PHACTR2: variants seen among roughly 807,000 people sequenced by gnomAD.
PHACTR2 encodes phosphatase and actin regulator 2, also known as chromosome 6 open reading frame 56.
A neutral mutation model predicts 76.0 loss-of-function variants in PHACTR2; 30 were observed. The ratio of observed to expected loss-of-function variants is 0.39; its 90% CI spans 0.30 to 0.54. The LOEUF (loss-of-function observed/expected upper bound fraction) is 0.54, where lower values mean the gene tolerates loss of function less well. Ranked by LOEUF, PHACTR2 falls within the 20% of genes least tolerant of loss-of-function variation. The pLI, the probability that PHACTR2 is intolerant of heterozygous loss-of-function variation, is 0.61. For missense variants in PHACTR2, 696 were observed against 781.1 expected, an observed-to-expected ratio of 0.89 and a Z score of 1.30; for synonymous variants, 292 against 292.5, an observed-to-expected ratio of 1.00 and a Z score of 0.02.
chr6:143,678,373 A>G lies in PHACTR2; in HGVS notation c.46+164A>G, dbSNP rs886861841. On this transcript the variant is annotated intron_variant, in intron 1 of 12. Transcript: ENST00000440869. This position sits in a 1 kb window ranked among gnomAD's most constrained non-coding sequence, Gnocchi z 6.2. ...CGCTCGCCAAACTCTTTGTCGTGAA[A>G]GAGGAATGCCTTTTGGGATCCAGCC... 6.6e-6 allele frequency among the ~76,000 whole-genome samples: 1 copy of G among 152,308 alleles called. No homozygotes were observed. The highest frequency in any genetic ancestry group is 2.4e-5 in the African/African-American group (1 of 41,574).
Position 143,739,822 on chromosome 6 carries a change from C to T in PHACTR2, c.215-9163C>T, listed in dbSNP as rs77133104. On this transcript the variant is annotated intron_variant, in intron 2 of 12. Coordinates refer to ENST00000440869, the MANE Select transcript of PHACTR2 (RefSeq NM_001100164.2). The surrounding 1 kb of genome is among the most constrained non-coding windows in gnomAD (Gnocchi z 4.3). ...TGTCCATTCCCTTCTGCTGTTTGCG[C>T]AGGTCTAAGACAATCACCTCTTCCC... 0.014 allele frequency among the ~76,000 whole-genome samples: 2,148 copies of T among 152,256 alleles called. 37 individuals carry two copies. The highest frequency in any genetic ancestry group is 0.049 in the African/African-American group (2,023 of 41,530).
rs1044627012 is a variant in PHACTR2 at position 143,654,848 on chromosome 6, C to A, written c.13+46526C>A. Among the ~76,000 whole-genome samples, 4 of 152,058 alleles carry A rather than the reference C, an allele frequency of 2.6e-5. No individual in the cohort carries two copies. On this transcript the variant is annotated intron_variant, in intron 1 of 11. Coordinates refer to the PHACTR2 transcript ENST00000305766. The surrounding 1 kb of genome is among the most constrained non-coding windows in gnomAD (Gnocchi z 4.6). ...AATGAAGTATTGATACATGCCACAA[C>A]ATGGACGACTCTTAAAAACATCATG...
In PHACTR2 at chr6:143,567,065, C is replaced by G. The variant is rs548966090; in HGVS notation, c.217+29858C>G. The stretch of plus-strand genomic sequence containing the variant: ...ACACACTCAGTTCCGTGTTCCTCAT[C>G]ATCTACACGTCGCGCTCCTTTCTGT... On this transcript the variant is annotated intron_variant, in intron 1 of 11. Transcript: ENST00000367584. Among the ~76,000 whole-genome samples the G allele has an allele frequency of 7.2e-5, 11 of 152,108 alleles. No homozygotes were observed. In the South Asian group the frequency reaches 1.0e-3, roughly 14 times the overall value.
rs2128479228 is a variant in PHACTR2, at chr6:143,787,278, T to C, written c.1708-1495T>C. ...CTAACCTATATTGCCATTGGTCACT[T>C]TCCTTCTAGCCAGTTCTTAGGAGCA... On this transcript the variant is annotated intron_variant, in intron 10 of 12. Coordinates refer to ENST00000440869, the MANE Select transcript of PHACTR2 (RefSeq NM_001100164.2). The surrounding 1 kb of genome is among the most constrained non-coding windows in gnomAD (Gnocchi z 4.6). 6.6e-6 allele frequency among the ~76,000 whole-genome samples: 1 copy of C among 152,374 alleles called. No individual in the cohort carries two copies. The highest frequency in any genetic ancestry group is 6.5e-5 in the Admixed American group (1 of 15,302).
Position 143,765,173 on chromosome 6 carries a change from A to T in PHACTR2, c.695-88A>T. On this transcript the variant is annotated intron_variant, in intron 5 of 12. Transcript: ENST00000440869. This position sits in a 1 kb window ranked among gnomAD's most constrained non-coding sequence, Gnocchi z 4.1. The stretch of plus-strand genomic sequence containing the variant: ...CAACAAACTTTAAAGGGAACATTTT[A>T]AATGTTGTTGACAGTTACACCTTGG... 2 of 1,009,270 alleles carry T rather than the reference A, an allele frequency of 2.0e-6. No homozygotes were observed. The highest frequency in any genetic ancestry group is 2.9e-6 in the Non-Finnish European group (2 of 678,972). The allele number at this position is 1,009,270 out of a possible 1,614,324, so 62.5% of individuals were successfully genotyped here.
At position 143,549,231 on chromosome 6, in the gene PHACTR2, G is replaced by T. The variant is rs1311707081; in HGVS notation, c.217+12024G>T. Among the ~76,000 whole-genome samples the T allele has an allele frequency of 6.6e-6, 1 of 152,046 alleles. No homozygotes were observed. The highest frequency in any genetic ancestry group is 2.4e-5 in the African/African-American group (1 of 41,430). On this transcript the variant is annotated intron_variant, in intron 1 of 11. Coordinates refer to the PHACTR2 transcript ENST00000367584. The surrounding 1 kb of genome is among the most constrained non-coding windows in gnomAD (Gnocchi z 4.2). ...GGAAGATTAATAGTGGGCCTCACAT[G>T]GCAGATCAGGCCTAGGTCTCTTCCC... is the stretch of plus-strand genomic sequence containing the variant.
chr6:143,791,227 A>G lies in PHACTR2; in HGVS notation c.1845+2317A>G, dbSNP rs1030938995. On this transcript the variant is annotated intron_variant, in intron 11 of 12. Transcript: ENST00000440869. The surrounding 1 kb of genome is among the most constrained non-coding windows in gnomAD (Gnocchi z 4.7). ...CATCTGTATTATATGTTTGTTTTCT[A>G]TGTCATTATTTGTTCTTTTCTCTTC... is the stretch of plus-strand genomic sequence containing the variant. Among the ~76,000 whole-genome samples the G allele has an allele frequency of 6.6e-6, 1 of 151,992 alleles. No homozygotes were observed. The highest frequency in any genetic ancestry group is 1.5e-5 in the Non-Finnish European group (1 of 67,980).
chr6:143,590,672 G>A (rs1367985396), intron 1 of PHACTR2, among the ~76,000 whole-genome samples: 1 of 152,012 alleles, frequency 6.6e-6, no homozygotes, highest in African/African-American at 2.4e-5. Context: ...GGAGTTCAAT[G>A]GCTTTCTTTC....
At position 143,783,199 on chromosome 6, in the gene PHACTR2, T is replaced by G; in HGVS notation, c.1646-20T>G. On this transcript the variant is annotated intron_variant, in intron 9 of 12. Transcript: ENST00000440869. The surrounding 1 kb of genome is among the most constrained non-coding windows in gnomAD (Gnocchi z 5.2). ...CATCTATAGTAACTGTCATCACGAC[T>G]TTCCTCCTTTAATAAACAGAAAAGA... 1.3e-6 allele frequency: 2 copies of G among 1,554,572 alleles called. No homozygotes were observed. Among genetic ancestry groups the G allele is most frequent in the Non-Finnish European group, 8.9e-7 (1 of 1,127,522 alleles).
In PHACTR2 at chr6:143,771,154, ATATG is replaced by A. The variant is rs1165959870; in HGVS notation, c.1233-1100_1233-1097del. 1.4e-3 allele frequency among the ~76,000 whole-genome samples: 73 copies of A among 51,228 alleles called. 2 individuals carry two copies. Among genetic ancestry groups the A allele is most frequent in the African/African-American group, 6.9e-3 (59 of 8,590 alleles). 33.6% of individuals were successfully genotyped at this position (51,228 alleles called of 152,430 possible). On this transcript the variant is annotated intron_variant, in intron 6 of 12. Transcript: ENST00000440869. ...TACATATATATATATGTATATATAT[ATATG>A]TATATATATATATATGTATATATAT...
chr6:143,634,451 G>A (rs1776417014), intron 1 of PHACTR2, among the ~76,000 whole-genome samples: 1 of 152,186 alleles, frequency 6.6e-6, no homozygotes, highest in Non-Finnish European at 1.5e-5. Context: ...TATATTTGAA[G>A]ATGGTATTTA....
chr6:143,763,477 G>A (rs117176473), intron 5 of PHACTR2, among the ~76,000 whole-genome samples: 27 of 152,330 alleles, frequency 1.8e-4, no homozygotes, highest in African/African-American at 2.9e-4. Flanking sequence ...AATCCTTAGC[G>A]TCTTTGTTGT....
At chr6:143,817,932 T>C (rs1776334601) in intron 12 of PHACTR2, among the ~76,000 whole-genome samples, 1 of 152,190 alleles carries the variant, frequency 6.6e-6, no homozygotes, top group Admixed American at 6.5e-5. Context: ...TCTATAGCAC[T>C]GTAGGGGGAC....
intron 1 of PHACTR2, among the ~76,000 whole-genome samples, chr6:143,568,448 T>A (rs962179834): frequency 6.6e-6 from 1 of 152,242 alleles, no homozygotes; most frequent in Non-Finnish European, 1.5e-5. Context: ...AAGGCTATGG[T>A]ACTCAAACCT....
chr6:143,670,668 C>A (rs1321572071), intron 1 of PHACTR2, among the ~76,000 whole-genome samples: 1 of 151,932 alleles, frequency 6.6e-6, no homozygotes, highest in African/African-American at 2.4e-5. Flanking sequence ...TCATGAAGTT[C>A]TTGTGCTGTG....
Position 143,569,382 on chromosome 6 carries a change from A to G in PHACTR2, c.217+32175A>G, listed in dbSNP as rs145277170. 3.0e-3 allele frequency among the ~76,000 whole-genome samples: 462 copies of G among 152,358 alleles called. 2 individuals are homozygous for G. The highest frequency in any genetic ancestry group is 0.014 in the Middle Eastern group (4 of 294). On this transcript the variant is annotated intron_variant, in intron 1 of 11. Coordinates refer to the PHACTR2 transcript ENST00000367584. ...GTCTCCTTGGAGAATCATGTGGCCC[A>G]CAATGGACTTTATGTAATTGAGAAA...
chr6:143,628,929 A>G (rs1334807558), intron 1 of PHACTR2, among the ~76,000 whole-genome samples: 1 of 3,600 alleles, frequency 2.8e-4, no homozygotes, highest in African/African-American at 7.1e-4. Context: ...CAGGAGATAT[A>G]TATATATATA....
At chr6:143,559,823 G>A (rs1775240543) in intron 1 of PHACTR2, among the ~76,000 whole-genome samples, 1 of 142,358 alleles carries the variant, frequency 7.0e-6, no homozygotes, top group African/African-American at 2.6e-5. Context: ...CGATTCTCCT[G>A]CCTCAGCCTC....
intron 11 of PHACTR2, among the ~76,000 whole-genome samples, chr6:143,799,333 C>T (rs1438617074): frequency 6.6e-6 from 1 of 152,166 alleles, no homozygotes; most frequent in African/African-American, 2.4e-5. Flanking sequence ...TTTCAAAAAG[C>T]CAGTTCCTGG....
Sources: gnomAD v4.1 joint callset for allele counts (sites outside exome capture counted in the v4.1 genomes callset) on GRCh38, gnomAD v4.1.1 for gene constraint, Gnocchi (gnomAD v3.1) non-coding constraint, MANE v1.5 for transcripts, NCBI Gene and HGNC (gene_info 2026-07-23, HGNC 2026-07-21) for gene names.